Variants in AFP observed in about 807,000 individuals in gnomAD.
AFP encodes alpha fetoprotein.
Under a neutral mutation model 78.9 loss-of-function variants are expected in AFP, and 64 were observed. The ratio of observed to expected loss-of-function variants is 0.81; its 90% confidence interval spans 0.66 to 1.00. The LOEUF (loss-of-function observed/expected upper bound fraction) is 1.00, where lower values mean the gene tolerates loss of function less well. Ranked by LOEUF, AFP falls within the 50% of genes least tolerant of loss-of-function variation. AFP has a pLI of 0.00. For missense variants in AFP, 689 were observed against 703.8 expected (o/e 0.98, Z 0.24); for synonymous variants, 254 against 243.8 (o/e 1.04, Z -0.39).
intron 8 of AFP, among the ~76,000 whole-genome samples, chr4:73,449,050 C>T (rs1437217743): frequency 6.6e-6 from 1 of 151,998 alleles, no homozygotes; most frequent in Non-Finnish European, 1.5e-5. Flanking sequence ...AGAGTGGACA[C>T]TGGAAAAATA....
At chr4:73,441,876 T>C (rs931695658) in intron 4 of AFP, among the ~76,000 whole-genome samples, 51 of 152,216 alleles carry the variant, frequency 3.4e-4, no homozygotes, top group African/African-American at 1.1e-3. Context: ...ATCTCTGCTA[T>C]GGCGACTATC....
chr4:73,437,300 T>A, intron 2 of AFP, 89 bp downstream of exon 2: 1 of 1,046,976 alleles, frequency 9.6e-7, no homozygotes, highest in Non-Finnish European at 1.5e-6. Context: ...TGTGAGCTCT[T>A]AAAAGCACAA....
intron 6 of AFP, 115 bp downstream of exon 6, chr4:73,443,559 C>A: frequency 7.8e-6 from 6 of 767,696 alleles, no homozygotes; most frequent in Admixed American, 6.0e-5. Context: ...CCTTTGTGAC[C>A]CCTTTGATGA....
chr4:73,440,355 T>G (rs2149333332), intron 3 of AFP, among the ~76,000 whole-genome samples: 1 of 152,284 alleles, frequency 6.6e-6, no homozygotes, highest in African/African-American at 2.4e-5. Flanking sequence ...AATTCAAAAT[T>G]GGGAAAGAGA....
At chr4:73,437,896 A>G (rs1264886278) in intron 2 of AFP, among the ~76,000 whole-genome samples, 1 of 152,038 alleles carries the variant, frequency 6.6e-6, no homozygotes, top group Non-Finnish European at 1.5e-5. Flanking sequence ...ATTACAGTAG[A>G]TGGATGGTCA....
Position 73,452,487 on chromosome 4 carries a change from T to C in AFP, c.1515T>C (p.Tyr505=). Residue 505 remains tyrosine, a synonymous_variant, in exon 12 of 15, where the codon TAT becomes TAC. Coordinates refer to ENST00000395792, the MANE Select transcript of AFP (RefSeq NM_001134.3). ...PGVGQCCTSS[Y]ANRRPCFSSL... is the part of the protein sequence containing the mutation. ...TTGGCCAGTGCTGCACTTCTTCATA[T>C]GCCAACAGGAGGCCATGCTTCAGCA... 6.2e-7 allele frequency: 1 copy of C among 1,614,122 alleles called. No homozygotes were observed. Among genetic ancestry groups the C allele is most frequent in the Non-Finnish European group, 8.5e-7 (1 of 1,179,984 alleles).
rs181827990 is a variant in AFP at position 73,450,621 on chromosome 4, C to T, written c.1296C>T (p.Leu432=). 3.1e-5 allele frequency: 50 copies of T among 1,614,134 alleles called. No individual in the cohort carries two copies. The Admixed American group carries it at 5.8e-4, about 19-fold the overall frequency. The part of the protein sequence containing the change: ...LGEYYLQNAF[L]VAYTKKAPQL... Reference sequence around the variant, plus strand: ...TAAAAAATGCTTCTTTCAGGTTTCTCGTTGCTTACACAAAGAAAGCCCCCC... The same window carrying T: ...TAAAAAATGCTTCTTTCAGGTTTCTTGTTGCTTACACAAAGAAAGCCCCCC... The change falls in exon 11 of 15, where the codon CTC becomes CTT. Residue 432 remains leucine (L), a synonymous_variant. Transcript: ENST00000395792.
Position 73,442,413 on chromosome 4 carries a change from A to G in AFP, c.600A>G (p.Glu200=). ...GCTGCAAAGCTGAAAATGCAGTTGA[A>G]TGCTTCCAAACAAAGGTATCATATT... ...PSCCKAENAV[E]CFQTKAATVT... is the part of the protein sequence containing the mutation. Residue 200 remains glutamate (E), a synonymous_variant, in exon 5 of 15, where the codon GAA becomes GAG. Coordinates refer to ENST00000395792, the MANE Select transcript of AFP (RefSeq NM_001134.3). The G allele has an allele frequency of 1.2e-6, 2 of 1,614,076 alleles. No individual in the cohort carries two copies. The highest frequency in any genetic ancestry group is 2.2e-5 in the East Asian group (1 of 44,860).
chr4:73,443,439 A>T lies in AFP; in HGVS notation c.708A>T (p.Gln236His). 6.2e-7 allele frequency: 1 copy of T among 1,603,826 alleles called. No individual in the cohort carries two copies. The highest frequency in any genetic ancestry group is 8.5e-7 in the Non-Finnish European group (1 of 1,170,680). ...VMKNFGTRTF[Q>H]AITVTKLSQK... ...AAAATTTTGGGACCCGAACTTTCCAAGCCATGTAAGTTCAAGTTCTATCTA... is the reference window on the plus strand; with the variant it reads ...AAAATTTTGGGACCCGAACTTTCCATGCCATGTAAGTTCAAGTTCTATCTA... Residue 236 changes from glutamine (Q) to histidine (H), a missense_variant, in exon 6 of 15, where the codon CAA becomes CAT. Physicochemically the swap from Gln to His is conservative, Grantham distance 24. Coordinates refer to ENST00000395792, the MANE Select transcript of AFP (RefSeq NM_001134.3).
intron 13 of AFP, among the ~76,000 whole-genome samples, chr4:73,454,586 T>C (rs903696772): frequency 2.6e-5 from 4 of 152,206 alleles, no homozygotes; most frequent in Non-Finnish European, 5.9e-5. Flanking sequence ...TTTGTATTGC[T>C]ACATATATTT....
In AFP at chr4:73,444,989, C is replaced by T. The variant is rs768474518; in HGVS notation, c.714-4C>T. On this transcript the variant is annotated splice_region_variant and splice_polypyrimidine_tract_variant and intron_variant, in intron 6 of 14. Coordinates refer to ENST00000395792, the MANE Select transcript of AFP (RefSeq NM_001134.3). ...TTAATTTCTAATTTCTTTTTTTTCC[C>T]TAGAACTGTTACTAAACTGAGTCAG... 1.9e-5 allele frequency: 31 copies of T among 1,604,592 alleles called. No individual in the cohort carries two copies. Among genetic ancestry groups the T allele is most frequent in the African/African-American group, 5.4e-5 (4 of 74,386 alleles).
intron 10 of AFP, among the ~76,000 whole-genome samples, chr4:73,450,348 A>G (rs1156679505): frequency 6.6e-6 from 1 of 152,198 alleles, no homozygotes; most frequent in Non-Finnish European, 1.5e-5. Context: ...CACAGTTAAA[A>G]TCAATGAAGC....
intron 13 of AFP, among the ~76,000 whole-genome samples, chr4:73,454,398 T>C (rs556571970): frequency 6.6e-6 from 1 of 152,230 alleles, no homozygotes; most frequent in East Asian, 1.9e-4. Flanking sequence ...AGATTTTCTT[T>C]AACCAGGGGA....
chr4:73,441,516 C>T (rs1292052613), intron 4 of AFP, among the ~76,000 whole-genome samples: 2 of 129,092 alleles, frequency 1.5e-5, no homozygotes, highest in Admixed American at 1.0e-4. Context: ...TGCAGTGAGC[C>T]GAGATTGCGC....
chr4:73,451,895 GAA>G (rs1169351729), intron 11 of AFP, among the ~76,000 whole-genome samples: 1 of 152,118 alleles, frequency 6.6e-6, no homozygotes, highest in Admixed American at 6.6e-5. Context: ...TCTACATTAG[GAA>G]AGTCTTAAAA....
At chr4:73,443,850 T>G (rs1719746030) in intron 6 of AFP, among the ~76,000 whole-genome samples, 1 of 152,176 alleles carries the variant, frequency 6.6e-6, no homozygotes, top group African/African-American at 2.4e-5. Flanking sequence ...ATTAATTGTG[T>G]TTCTTAATCT....
chr4:73,449,484 T>C lies in AFP; in HGVS notation c.1191+17T>C. The C allele has an allele frequency of 1.9e-6, 3 of 1,613,140 alleles. No individual in the cohort carries two copies. The Admixed American group carries it at 5.0e-5, about 27-fold the overall frequency. ...GATAAAGGAGTAAGTTGCTCTAGAA[T>C]TTTAGGGGAGTATGAAAAACTGGAT... is the stretch of plus-strand genomic sequence containing the variant. On this transcript the variant is annotated intron_variant, in intron 9 of 14. Coordinates refer to ENST00000395792, the MANE Select transcript of AFP (RefSeq NM_001134.3).
Position 73,445,012 on chromosome 4 carries a change from C to A in AFP, c.733C>A (p.Gln245Lys). The change falls in exon 7 of 15, where the codon CAG (glutamine) becomes AAG (lysine). Residue 245 changes from glutamine to lysine, a missense_variant. By Grantham distance (53) the Gln-to-Lys change is moderately conservative. Coordinates refer to ENST00000395792, the MANE Select transcript of AFP (RefSeq NM_001134.3). Reference protein sequence around the residue: ...FQAITVTKLSQKFTKVNFTEI... With the variant: ...FQAITVTKLSKKFTKVNFTEI... ...CCCTAGAACTGTTACTAAACTGAGT[C>A]AGAAGTTTACCAAAGTTAATTTTAC... is the stretch of plus-strand genomic sequence containing the variant. 1.9e-6 allele frequency: 3 copies of A among 1,612,042 alleles called. No homozygotes were observed. In the South Asian group the frequency reaches 3.3e-5, roughly 18 times the overall value.
At chr4:73,437,061 G>T in intron 1 of AFP, 99 bp from the exon 2 acceptor site, 1 of 921,484 alleles carries the variant, frequency 1.1e-6, no homozygotes, top group South Asian at 1.4e-5. Context: ...TTCTGAAACT[G>T]TACAGTTCTA....
Sources: allele counts gnomAD v4.1 joint callset (sites outside exome capture counted in the v4.1 genomes callset), GRCh38; gene constraint gnomAD v4.1.1; transcripts MANE v1.5; gene names NCBI Gene and HGNC (gene_info 2026-07-23, HGNC 2026-07-21).